ETF1: variants seen among roughly 807,000 people sequenced by gnomAD.
ETF1 encodes the protein eukaryotic translation termination factor 1.
Under a neutral mutation model 55.1 loss-of-function variants are expected in ETF1, and 4 were observed. That is an observed-to-expected ratio of 0.07 (90% CI 0.04 to 0.17). The LOEUF (loss-of-function observed/expected upper bound fraction) is 0.17. ETF1 is among the 10% of genes least tolerant of loss of function. ETF1 has a pLI of 1.00. For synonymous variants in ETF1, 157 were observed against 182.3 expected (o/e 0.86, Z 1.12); for missense variants, 142 against 523.6 (o/e 0.27, Z 7.11).
At chr5:138,516,807 A>G (rs1765038644) in intron 4 of ETF1, among the ~76,000 whole-genome samples, 1 of 152,232 alleles carries the variant, frequency 6.6e-6, no homozygotes, top group South Asian at 2.1e-4. Flanking sequence ...TCTAAGAAAC[A>G]TGAAAATGTA....
intron 2 of ETF1, among the ~76,000 whole-genome samples, chr5:138,528,005 C>T (rs1264289287): frequency 2.6e-5 from 4 of 152,122 alleles, no homozygotes; most frequent in Non-Finnish European, 4.4e-5. Flanking sequence ...CTCCCGACCT[C>T]AGGTGATCCG....
At chr5:138,512,256 A>ATT (rs1554137507) in intron 6 of ETF1, among the ~76,000 whole-genome samples, 4 of 18,878 alleles carry the variant, frequency 2.1e-4, no homozygotes, top group African/African-American at 4.6e-4. Flanking sequence ...ATATATATAT[A>ATT]TATTTTTTTT....
chr5:138,508,212 A>C lies in ETF1; in HGVS notation c.*93T>G. The C allele has an allele frequency of 7.2e-7, 1 of 1,381,860 alleles. No homozygotes were observed. The highest frequency in any genetic ancestry group is 9.8e-7 in the Non-Finnish European group (1 of 1,017,364). The allele number at this position is 1,381,860 out of a possible 1,614,324, so 85.6% of individuals were successfully genotyped here. A position where few individuals can be genotyped will look rare whatever the true frequency, so the allele number is the denominator to read the frequency against. On this transcript the variant is annotated 3_prime_UTR_variant, in exon 11 of 11. Transcript: ENST00000360541. ...TAAGTTCTGGAAATGTTCCAATTGTAAGGCAGGGATCTGTTTGGATTCCAC... is the reference window on the plus strand; with the variant it reads ...TAAGTTCTGGAAATGTTCCAATTGTCAGGCAGGGATCTGTTTGGATTCCAC...
intron 2 of ETF1, among the ~76,000 whole-genome samples, chr5:138,530,184 T>G (rs1765639237): frequency 6.6e-6 from 1 of 152,114 alleles, no homozygotes; most frequent in African/African-American, 2.4e-5. Context: ...ACACAAAAGA[T>G]CCCTTCTTCC....
intron 10 of ETF1, 71 bp downstream of exon 10, chr5:138,508,598 C>A (rs1581010992): frequency 1.3e-6 from 2 of 1,594,574 alleles, no homozygotes; most frequent in East Asian, 2.2e-5. Context: ...GGAAGCAGGG[C>A]TAGGGCTAGC....
intron 4 of ETF1, 129 bp from the exon 5 acceptor site, chr5:138,513,835 T>TA (rs1471742174): frequency 8.5e-7 from 1 of 1,181,002 alleles, no homozygotes; most frequent in Non-Finnish European, 1.1e-6. Flanking sequence ...GAAAACCTTC[T>TA]ACGGAATAAT....
At chr5:138,515,858 AAC>A (rs1335064091) in intron 4 of ETF1, among the ~76,000 whole-genome samples, 4 of 152,208 alleles carry the variant, frequency 2.6e-5, no homozygotes, top group Admixed American at 6.5e-5. Flanking sequence ...TGAAGAGAAA[AAC>A]AGTCTGGATT....
chr5:138,520,976 T>G lies in ETF1; in HGVS notation c.87-2109A>C, dbSNP rs189547312. On this transcript the variant is annotated intron_variant, in intron 2 of 10. Transcript: ENST00000360541. The stretch of plus-strand genomic sequence containing the variant: ...TTTTTAACACCTAATTACCATATGA[T>G]CTAGCCATTCTACTTTCAATTACAT... Among the ~76,000 whole-genome samples the G allele has an allele frequency of 3.4e-3, 513 of 152,176 alleles. 5 individuals carry two copies. Among genetic ancestry groups the G allele is most frequent in the African/African-American group, 0.012 (482 of 41,500 alleles).
intron 2 of ETF1, chr5:138,541,759 T>A: frequency 1.8e-5 from 3 of 169,696 alleles, no homozygotes; most frequent in Non-Finnish European, 2.9e-5. Flanking sequence ...TCCAAACACT[T>A]TTTTTTGGGG....
intron 2 of ETF1, among the ~76,000 whole-genome samples, chr5:138,522,842 T>C (rs1449753490): frequency 6.6e-6 from 1 of 151,798 alleles, no homozygotes; most frequent in Non-Finnish European, 1.5e-5. Flanking sequence ...CCATCTCTAC[T>C]AAAAATACAA....
At chr5:138,542,809 G>C (rs1766242618) in intron 2 of ETF1, 24 bp downstream of exon 2, 1 of 1,610,990 alleles carries the variant, frequency 6.2e-7, no homozygotes, top group Non-Finnish European at 8.5e-7. Flanking sequence ...AGAGGGCACG[G>C]AGGGTGCCGG....
rs977477383 is a variant in ETF1 at position 138,541,417 on chromosome 5, G to A, written c.86+1416C>T. ...AACGTTTCTCCAGTAAACCGAAGGA[G>A]TGAGCACAAGCCCGTCACTGAATGG... is the stretch of plus-strand genomic sequence containing the variant. On this transcript the variant is annotated intron_variant, in intron 2 of 10. Transcript: ENST00000360541. 8 of 763,766 alleles carry A rather than the reference G, an allele frequency of 1.0e-5. No homozygotes were observed. In the African/African-American group the frequency reaches 1.4e-4, roughly 13 times the overall value. 47.3% of individuals were successfully genotyped at this position (763,766 alleles called of 1,614,324 possible). A position where few individuals can be genotyped will look rare whatever the true frequency, so the allele number is the denominator to read the frequency against.
rs978075275 is a variant in ETF1, at chr5:138,543,196, C to A, written c.-118G>T. ...AGGACACCGGCTCCCTCTCTCCAGG[C>A]AGCTGCATGTGTTGCAATCCGCTCA... On this transcript the variant is annotated 5_prime_UTR_variant, in exon 1 of 11. Coordinates refer to ENST00000360541, the MANE Select transcript of ETF1 (RefSeq NM_004730.4). 22 of 547,482 alleles carry A rather than the reference C, an allele frequency of 4.0e-5. No homozygotes were observed. The highest frequency in any genetic ancestry group is 6.8e-5 in the Non-Finnish European group (21 of 309,686). 33.9% of individuals were successfully genotyped at this position (547,482 alleles called of 1,614,324 possible). A position where few individuals can be genotyped will look rare whatever the true frequency, so the allele number is the denominator to read the frequency against.
intron 2 of ETF1, among the ~76,000 whole-genome samples, chr5:138,522,775 G>C (rs1765286759): frequency 6.6e-6 from 1 of 152,168 alleles, no homozygotes; most frequent in Non-Finnish European, 1.5e-5. Flanking sequence ...GGGAGGCTGA[G>C]GCAGGAGGAT....
At chr5:138,521,536 A>AT (rs1765233162) in intron 2 of ETF1, among the ~76,000 whole-genome samples, 1 of 151,808 alleles carries the variant, frequency 6.6e-6, no homozygotes, top group Non-Finnish European at 1.5e-5. Flanking sequence ...TTATTTATTT[A>AT]TTTTTTTTAG....
At position 138,512,845 on chromosome 5, in the gene ETF1, G is replaced by A. The variant is rs1764872945; in HGVS notation, c.651C>T (p.Asp217=). The change falls in exon 6 of 11, where the codon GAC becomes GAT. Residue 217 remains aspartate, a synonymous_variant. Coordinates refer to ENST00000360541, the MANE Select transcript of ETF1 (RefSeq NM_004730.4). Reference sequence around the variant, plus strand: ...AAACTAGACCAGCCACATTCACTTTGTCCCCAGAAATAAACAGCTGCACAG... The same window carrying A: ...AAACTAGACCAGCCACATTCACTTTATCCCCAGAAATAAACAGCTGCACAG... ...ETAVQLFISG[D]KVNVAGLVLA... 1.3e-6 allele frequency: 2 copies of A among 1,598,572 alleles called. No individual in the cohort carries two copies. Among genetic ancestry groups the A allele is most frequent in the African/African-American group, 2.7e-5 (2 of 73,720 alleles).
Position 138,542,868 on chromosome 5 carries a change from G to C in ETF1, c.51C>G (p.Ile17Met). Residue 17 changes from isoleucine (I) to methionine (M), a missense_variant, in exon 2 of 11, where the codon ATC becomes ATG. Around this residue, in one of 5 missense-constraint regions of ETF1, gnomAD observed 11 missense variants for 92.7 expected, o/e 0.12. Transcript: ENST00000360541. Reference sequence around the variant, plus strand: ...CCTCCAAGCTCTTAATGAGCTTCTTGATCTTCCAGATCTCCACGTTCCTGT... The same window carrying C: ...CCTCCAAGCTCTTAATGAGCTTCTTCATCTTCCAGATCTCCACGTTCCTGT... ...AADRNVEIWK[I>M]KKLIKSLEAA... The C allele has an allele frequency of 6.2e-7, 1 of 1,613,602 alleles. No individual in the cohort carries two copies. Among genetic ancestry groups the C allele is most frequent in the African/African-American group, 1.3e-5 (1 of 75,064 alleles).
chr5:138,513,756 G>A (rs1561831188), intron 4 of ETF1, 50 bp from the exon 5 acceptor site: 1 of 1,557,564 alleles, frequency 6.4e-7, no homozygotes. Context: ...GCTTTGCTAA[G>A]GTCAAAAAAA....
chr5:138,508,160 T>C lies in ETF1; in HGVS notation c.*145A>G. The C allele has an allele frequency of 1.9e-6, 2 of 1,067,284 alleles. No individual in the cohort carries two copies. The highest frequency in any genetic ancestry group is 1.6e-5 in the African/African-American group (1 of 62,444). The allele number at this position is 1,067,284 out of a possible 1,614,324, so 66.1% of individuals were successfully genotyped here. Reference sequence around the variant, plus strand: ...GCTGGGTCTGGTTTTGTTTCGGTTTTCTTTTCAATATCCAATGCTCATGGA... The same window carrying C: ...GCTGGGTCTGGTTTTGTTTCGGTTTCCTTTTCAATATCCAATGCTCATGGA... On this transcript the variant is annotated 3_prime_UTR_variant, in exon 11 of 11. Transcript: ENST00000360541.
Sources: allele counts gnomAD v4.1 joint callset (sites outside exome capture counted in the v4.1 genomes callset), GRCh38; gene constraint gnomAD v4.1.1; regional missense constraint gnomAD v4.1.1; transcripts MANE v1.5; gene names NCBI Gene and HGNC (gene_info 2026-07-23, HGNC 2026-07-21).